NT5DC4: variants seen among roughly 807,000 people sequenced by gnomAD.
NT5DC4 encodes the protein 5'-nucleotidase domain containing 4, also known as 5'-nucleotidase domain-containing protein 4.
In NT5DC4, 44 loss-of-function variants were observed where a neutral mutation model predicts 26.6. That is an observed-to-expected ratio of 1.65 (90% CI 1.30 to 2.13). NT5DC4 has a LOEUF of 2.13. Among genes scored for constraint, NT5DC4 ranks in the 30% most tolerant of loss-of-function variants. The pLI is 0.00. For missense variants in NT5DC4, 399 were observed against 228.1 expected, an observed-to-expected ratio of 1.75 and a Z score of -4.83; for synonymous variants, 157 against 86.7, an observed-to-expected ratio of 1.81 and a Z score of -4.51.
chr2:112,741,216 C>G (rs1415273791), downstream of NT5DC4, among the ~76,000 whole-genome samples: 1 of 152,106 alleles, frequency 6.6e-6, no homozygotes, highest in African/African-American at 2.4e-5. Context: ...TCAGGCTACC[C>G]TCGTAGCCAG....
downstream of NT5DC4, chr2:112,739,156 G>C: frequency 1.2e-6 from 1 of 862,016 alleles, no homozygotes; most frequent in Non-Finnish European, 1.8e-6. Flanking sequence ...TTTTAACATA[G>C]GGTGATACAA....
Sources: gnomAD v4.1 joint callset for allele counts (sites outside exome capture counted in the v4.1 genomes callset) on GRCh38, gnomAD v4.1.1 for gene constraint, MANE v1.5 for transcripts, NCBI Gene and HGNC (gene_info 2026-07-23, HGNC 2026-07-21) for gene names.